Variants in COLEC12 observed in about 807,000 individuals in gnomAD.
COLEC12 encodes the protein collectin-12.
A neutral mutation model predicts 71.1 loss-of-function variants in COLEC12; 33 were observed. That is an observed-to-expected ratio of 0.46 (90% CI 0.35 to 0.62). The LOEUF (loss-of-function observed/expected upper bound fraction) is 0.62, where lower values mean the gene tolerates loss of function less well. Ranked by LOEUF, COLEC12 falls within the 20% of genes least tolerant of loss-of-function variation. COLEC12 has a pLI of 0.00. For synonymous variants in COLEC12, 350 were observed against 353.0 expected, an observed-to-expected ratio of 0.99 and a Z score of 0.10; for missense variants, 765 against 916.1, an observed-to-expected ratio of 0.84 and a Z score of 2.13.
At position 408,029 on chromosome 18, in the gene COLEC12, A is replaced by G. The variant is rs1915823626; in HGVS notation, c.59-50507T>C. Among the ~76,000 whole-genome samples, 1 of 152,246 alleles carries G rather than the reference A, an allele frequency of 6.6e-6. No homozygotes were observed. Among genetic ancestry groups the G allele is most frequent in the Admixed American group, 6.5e-5 (1 of 15,294 alleles). ...ATAAATGGCTGGATGAATGATGAAT[A>G]TGACTCATGCAGAGAAGGAATCCAG... On this transcript the variant is annotated intron_variant, in intron 2 of 9. Coordinates refer to ENST00000400256, the MANE Select transcript of COLEC12 (RefSeq NM_130386.3). This position sits in a 1 kb window ranked among gnomAD's most constrained non-coding sequence, Gnocchi z 4.3.
At chr18:323,446 G>C (rs1197862059) in intron 8 of COLEC12, among the ~76,000 whole-genome samples, 2 of 152,182 alleles carry the variant, frequency 1.3e-5, no homozygotes, top group Non-Finnish European at 2.9e-5. Context: ...GCAGTGCAGA[G>C]AAGAGACAAA....
At chr18:370,338 C>T (rs645931) in intron 2 of COLEC12, among the ~76,000 whole-genome samples, 7,815 of 152,142 alleles carry the variant, frequency 0.051, 275 homozygotes, top group South Asian at 0.13. Flanking sequence ...CCCAAAGAAA[C>T]GAATTTTATT....
At chr18:390,949 C>G (rs1915450765) in intron 2 of COLEC12, among the ~76,000 whole-genome samples, 1 of 152,170 alleles carries the variant, frequency 6.6e-6, no homozygotes, top group Non-Finnish European at 1.5e-5. Flanking sequence ...AGCAGCAAAC[C>G]CATGTCTGTC....
chr18:405,671 G>A (rs1281135953), intron 2 of COLEC12, among the ~76,000 whole-genome samples: 1 of 152,138 alleles, frequency 6.6e-6, no homozygotes, highest in Non-Finnish European at 1.5e-5. Flanking sequence ...ATCCATTCAT[G>A]GCCATATGGC....
intron 2 of COLEC12, among the ~76,000 whole-genome samples, chr18:431,414 T>C (rs1411867178): frequency 1.3e-5 from 2 of 152,244 alleles, no homozygotes; most frequent in African/African-American, 2.4e-5. Flanking sequence ...TCATGTCTCA[T>C]TCAGGTTTAT....
At chr18:499,757 T>C in intron 1 of COLEC12, among the ~76,000 whole-genome samples, 1 of 152,346 alleles carries the variant, frequency 6.6e-6, no homozygotes, top group South Asian at 2.1e-4. Context: ...CTGCAGTCCT[T>C]CTCGTGCTTC....
At chr18:421,119 C>T (rs1204570147) in intron 2 of COLEC12, among the ~76,000 whole-genome samples, 4 of 152,314 alleles carry the variant, frequency 2.6e-5, no homozygotes, top group Admixed American at 2.0e-4. Flanking sequence ...CATCTGAAAA[C>T]AAAACCTGTC....
chr18:343,333 C>A (rs1347563243), intron 5 of COLEC12, among the ~76,000 whole-genome samples: 1 of 152,038 alleles, frequency 6.6e-6, no homozygotes, highest in Non-Finnish European at 1.5e-5. Flanking sequence ...GGAGGCCGGC[C>A]GGGACCTCCT....
At chr18:322,990 T>C (rs1913748178) in intron 8 of COLEC12, among the ~76,000 whole-genome samples, 2 of 152,118 alleles carry the variant, frequency 1.3e-5, no homozygotes, top group African/African-American at 2.4e-5. Flanking sequence ...TTTGGGGGGC[T>C]GAGGCAGATG....
chr18:476,280 TCA>T (rs879439864), intron 2 of COLEC12, among the ~76,000 whole-genome samples: 13 of 152,266 alleles, frequency 8.5e-5, no homozygotes, highest in East Asian at 5.8e-4. Context: ...TGTTACTGTT[TCA>T]CAGTTTGCCA....
chr18:461,612 T>A (rs1432302100), intron 2 of COLEC12, among the ~76,000 whole-genome samples: 1 of 152,216 alleles, frequency 6.6e-6, no homozygotes, highest in Non-Finnish European at 1.5e-5. Context: ...GGTCTTGAAT[T>A]CCTGAACTTG....
chr18:336,383 G>T (rs1439059592), intron 5 of COLEC12, among the ~76,000 whole-genome samples: 1 of 152,054 alleles, frequency 6.6e-6, no homozygotes, highest in Non-Finnish European at 1.5e-5. Context: ...AGAGAAAAAA[G>T]GTATGTGGAC....
intron 2 of COLEC12, among the ~76,000 whole-genome samples, chr18:406,377 C>T (rs1244153406): frequency 3.3e-5 from 5 of 151,632 alleles, no homozygotes; most frequent in African/African-American, 9.7e-5. Context: ...GGCGCGGTGG[C>T]GGGCGCCTGT....
intron 2 of COLEC12, among the ~76,000 whole-genome samples, chr18:472,992 C>A (rs1917231599): frequency 1.3e-5 from 2 of 151,822 alleles, no homozygotes; most frequent in Admixed American, 1.3e-4. Flanking sequence ...ATACCTGGCC[C>A]CCATATATAT....
At chr18:488,788 G>T (rs753288215) in intron 1 of COLEC12, among the ~76,000 whole-genome samples, 1 of 151,914 alleles carries the variant, frequency 6.6e-6, no homozygotes, top group Non-Finnish European at 1.5e-5. Context: ...CAGGAGAATT[G>T]CTTGAACCTG....
At chr18:393,528 G>C (rs1915507303) in intron 2 of COLEC12, among the ~76,000 whole-genome samples, 1 of 152,126 alleles carries the variant, frequency 6.6e-6, no homozygotes, top group African/African-American at 2.4e-5. Context: ...TCTCTACCAT[G>C]AATCTATGAT....
At chr18:450,350 G>C (rs1189837189) in intron 2 of COLEC12, among the ~76,000 whole-genome samples, 1 of 152,204 alleles carries the variant, frequency 6.6e-6, no homozygotes, top group Non-Finnish European at 1.5e-5. Flanking sequence ...TGGATCATAA[G>C]GGCAGAGCTC....
intron 3 of COLEC12, among the ~76,000 whole-genome samples, chr18:350,220 T>C (rs968797921): frequency 1.3e-5 from 2 of 152,216 alleles, no homozygotes; most frequent in Non-Finnish European, 2.9e-5. Flanking sequence ...GTTTCCCCCA[T>C]ACTGTTCTCA....
intron 2 of COLEC12, among the ~76,000 whole-genome samples, chr18:391,311 C>T (rs919706116): frequency 6.6e-6 from 1 of 152,048 alleles, no homozygotes; most frequent in Non-Finnish European, 1.5e-5. Context: ...ACTGTGTGTG[C>T]GCAAACAGAG....
Sources: allele counts gnomAD v4.1 joint callset (sites outside exome capture counted in the v4.1 genomes callset), GRCh38; gene constraint gnomAD v4.1.1; non-coding constraint Gnocchi (gnomAD v3.1); transcripts MANE v1.5; gene names NCBI Gene and HGNC (gene_info 2026-07-23, HGNC 2026-07-21).